PEX5L: variants seen among roughly 807,000 people sequenced by gnomAD.
The protein encoded by PEX5L is peroxisomal biogenesis factor 5 like, also known as PEX5-related protein.
A neutral mutation model predicts 84.0 loss-of-function variants in PEX5L; 30 were observed. That is an observed-to-expected ratio of 0.36 (90% CI 0.27 to 0.48). The LOEUF (loss-of-function observed/expected upper bound fraction) is 0.48. PEX5L is among the 20% of genes least tolerant of loss of function. PEX5L has a pLI of 0.99. For missense variants in PEX5L, 533 were observed against 754.6 expected, an observed-to-expected ratio of 0.71 and a Z score of 3.44; for synonymous variants, 270 against 283.1, an observed-to-expected ratio of 0.95 and a Z score of 0.46.
chr3:179,834,751 A>G (rs1734343548), intron 8 of PEX5L, among the ~76,000 whole-genome samples: 1 of 152,208 alleles, frequency 6.6e-6, no homozygotes, highest in Admixed American at 6.5e-5. Context: ...GAAGCTTTTT[A>G]TTATCTTAGA....
chr3:179,890,013 C>T (rs994713160), intron 3 of PEX5L, among the ~76,000 whole-genome samples: 14 of 152,118 alleles, frequency 9.2e-5, no homozygotes, highest in African/African-American at 3.1e-4. Flanking sequence ...TGATTAGTGT[C>T]CCAGAATCTG....
At chr3:179,813,778 G>A (rs1724900199) in intron 10 of PEX5L, among the ~76,000 whole-genome samples, 1 of 149,866 alleles carries the variant, frequency 6.7e-6, no homozygotes, top group Admixed American at 6.7e-5. Context: ...CCGGGTTCAC[G>A]CCATTCTCCT....
At chr3:179,873,390 C>T (rs1049629587) in intron 7 of PEX5L, among the ~76,000 whole-genome samples, 3 of 152,052 alleles carry the variant, frequency 2.0e-5, no homozygotes, top group Admixed American at 2.0e-4. Flanking sequence ...TATTTTATCA[C>T]ACTTATTTTC....
chr3:179,965,514 A>G (rs1357324029), intron 2 of PEX5L, among the ~76,000 whole-genome samples: 1 of 152,206 alleles, frequency 6.6e-6, no homozygotes, highest in Non-Finnish European at 1.5e-5. Flanking sequence ...AACCAGGGCA[A>G]TGGATTCTTT....
intron 1 of PEX5L, among the ~76,000 whole-genome samples, chr3:180,015,148 G>A (rs1239478730): frequency 6.6e-6 from 1 of 152,204 alleles, no homozygotes; most frequent in Non-Finnish European, 1.5e-5. Context: ...CAGAGCCTTA[G>A]AGAAATGTTT....
Position 179,819,863 on chromosome 3 carries a change from C to G in PEX5L, c.936G>C (p.Glu312Asp). 6.2e-7 allele frequency: 1 copy of G among 1,613,990 alleles called. No individual in the cohort carries two copies. Among genetic ancestry groups the G allele is most frequent in the Non-Finnish European group, 8.5e-7 (1 of 1,179,902 alleles). ...GTATAGGAACAGAATTGGTTACCTT[C>G]TCACTAGCCGAGATGGTTACTTGGT... The part of the protein sequence containing the change: ...AQNQVTISAS[E>D]KGYYFHTENP... Residue 312 changes from glutamate (E) to aspartate (D), a missense_variant, in exon 9 of 15, where the codon GAG becomes GAC. Transcript: ENST00000467460.
At chr3:179,936,146 C>T (rs1035374752) in intron 2 of PEX5L, among the ~76,000 whole-genome samples, 3 of 152,016 alleles carry the variant, frequency 2.0e-5, no homozygotes, top group East Asian at 1.9e-4. Context: ...GTGTTTCTGT[C>T]GGTGTGGGTA....
intron 2 of PEX5L, among the ~76,000 whole-genome samples, chr3:179,912,050 T>C (rs903732167): frequency 2.0e-5 from 3 of 152,178 alleles, no homozygotes; most frequent in African/African-American, 7.2e-5. Context: ...TAGAACACTT[T>C]GGTGGACTGT....
At chr3:179,916,602 C>A (rs1037400637) in intron 2 of PEX5L, among the ~76,000 whole-genome samples, 7 of 152,074 alleles carry the variant, frequency 4.6e-5, no homozygotes, top group African/African-American at 1.4e-4. Flanking sequence ...AAAAATTTTT[C>A]TTTCCTCAAT....
intron 1 of PEX5L, among the ~76,000 whole-genome samples, chr3:179,975,887 A>C (rs1785728183): frequency 6.6e-6 from 1 of 152,212 alleles, no homozygotes; most frequent in African/African-American, 2.4e-5. Flanking sequence ...AAAGAAGAAA[A>C]TGTGCTGAAA....
chr3:179,818,194 T>C (rs1726899822), intron 9 of PEX5L, among the ~76,000 whole-genome samples: 1 of 152,154 alleles, frequency 6.6e-6, no homozygotes, highest in African/African-American at 2.4e-5. Context: ...CAGAACTGAA[T>C]ATTACTGAGA....
At chr3:180,005,833 G>C (rs1171320736) in intron 1 of PEX5L, among the ~76,000 whole-genome samples, 1 of 152,206 alleles carries the variant, frequency 6.6e-6, no homozygotes, top group Non-Finnish European at 1.5e-5. Context: ...AAACTGTTGA[G>C]ATTACAGGCA....
rs979544715 is a variant in PEX5L, at chr3:179,863,342, T to C, written c.727-4185A>G. ...ACAAAAGCAAAATAGGCAAGTGGAATTACATCAAACTCAAAAACTTCCACA... is the reference window on the plus strand; with the variant it reads ...ACAAAAGCAAAATAGGCAAGTGGAACTACATCAAACTCAAAAACTTCCACA... On this transcript the variant is annotated intron_variant, in intron 7 of 14. Coordinates refer to ENST00000467460, the MANE Select transcript of PEX5L (RefSeq NM_016559.3). 6.6e-5 allele frequency among the ~76,000 whole-genome samples: 10 copies of C among 151,146 alleles called. 1 individual carries two copies. The highest frequency in any genetic ancestry group is 3.3e-4 in the Admixed American group (5 of 15,030).
intron 2 of PEX5L, among the ~76,000 whole-genome samples, chr3:179,956,009 G>T (rs1237022809): frequency 6.6e-6 from 1 of 152,102 alleles, no homozygotes; most frequent in Non-Finnish European, 1.5e-5. Flanking sequence ...CTTCCTTACA[G>T]ACGATACCAT....
Position 180,036,565 on chromosome 3 carries a change from T to TAGAA in PEX5L, c.21+10_21+13dup. 6.2e-7 allele frequency: 1 copy of TAGAA among 1,613,484 alleles called. No homozygotes were observed. Among genetic ancestry groups the TAGAA allele is most frequent in the Non-Finnish European group, 8.5e-7 (1 of 1,179,380 alleles). On this transcript the variant is annotated intron_variant, in intron 1 of 14. Coordinates refer to ENST00000467460, the MANE Select transcript of PEX5L (RefSeq NM_016559.3). The stretch of plus-strand genomic sequence containing the variant: ...CCCCCAAGAATTCTCTCCAGCCCTA[T>TAGAA]AGAAATGTCTTACCTGCATGTGTCC...
intron 1 of PEX5L, among the ~76,000 whole-genome samples, chr3:179,992,452 G>C (rs944233414): frequency 6.6e-6 from 1 of 152,166 alleles, no homozygotes; most frequent in Non-Finnish European, 1.5e-5. Flanking sequence ...TCTCTTCAAA[G>C]CTTCATTTTA....
In PEX5L at chr3:179,879,881, A is replaced by G. The variant is rs777100450; in HGVS notation, c.505+48T>C. ...GGTGGAAATTTCCTCTTGTATCCAC[A>G]TCAGCAGAGCAAGGTTGAGCATCCA... On this transcript the variant is annotated intron_variant, in intron 5 of 14. Coordinates refer to ENST00000467460, the MANE Select transcript of PEX5L (RefSeq NM_016559.3). 3.7e-6 allele frequency: 5 copies of G among 1,336,884 alleles called. No individual in the cohort carries two copies. The African/African-American group carries it at 7.3e-5, about 20-fold the overall frequency. 82.8% of individuals were successfully genotyped at this position (1,336,884 alleles called of 1,614,324 possible). A position where few individuals can be genotyped will look rare whatever the true frequency, so the allele number is the denominator to read the frequency against.
Position 179,986,397 on chromosome 3 carries a change from A to ATT in PEX5L, c.22-14734_22-14733dup, listed in dbSNP as rs11344304. Among the ~76,000 whole-genome samples the ATT allele has an allele frequency of 3.1e-3, 341 of 110,976 alleles. 4 individuals are homozygous for ATT. Among genetic ancestry groups the ATT allele is most frequent in the Non-Finnish European group, 4.1e-3 (240 of 58,176 alleles). The allele number at this position is 110,976 out of a possible 152,430, so 72.8% of individuals were successfully genotyped here. A position where few individuals can be genotyped will look rare whatever the true frequency, so the allele number is the denominator to read the frequency against. On this transcript the variant is annotated intron_variant, in intron 1 of 14. Coordinates refer to ENST00000467460, the MANE Select transcript of PEX5L (RefSeq NM_016559.3). ...AATGGAAAGTCCTAACCATTTAGTA[A>ATT]TTTTTTTTTTTTTTTTTTTTTTTGA...
chr3:179,808,967 G>A (rs548021506), intron 12 of PEX5L, among the ~76,000 whole-genome samples: 5 of 150,850 alleles, frequency 3.3e-5, no homozygotes, highest in Middle Eastern at 3.2e-3. Flanking sequence ...CCAGCTGCTC[G>A]GGAGGCTGAG....
Sources: gnomAD v4.1 joint callset for allele counts (sites outside exome capture counted in the v4.1 genomes callset) on GRCh38, gnomAD v4.1.1 for gene constraint, MANE v1.5 for transcripts, NCBI Gene and HGNC (gene_info 2026-07-23, HGNC 2026-07-21) for gene names.